The following BBS7 variants were observed in gnomAD, a reference collection of about 807,000 sequenced individuals.
BBS7 encodes the protein BBSome complex member BBS7.
A neutral mutation model predicts 90.3 loss-of-function variants in BBS7; 50 were observed. That is an observed-to-expected ratio of 0.55 (90% CI 0.44 to 0.70). BBS7 has a LOEUF of 0.70. BBS7 is among the 30% of genes least tolerant of loss of function. The probability of loss-of-function intolerance (pLI) is 0.00; values close to 1 mark genes in which losing one functional copy is unlikely to be tolerated. For missense variants in BBS7, 729 were observed against 838.9 expected, an observed-to-expected ratio of 0.87 and a Z score of 1.62; for synonymous variants, 235 against 287.4, an observed-to-expected ratio of 0.82 and a Z score of 1.85.
At chr4:121,837,851 T>A (rs1051526828) in intron 13 of BBS7, among the ~76,000 whole-genome samples, 1 of 152,120 alleles carries the variant, frequency 6.6e-6, no homozygotes, top group Non-Finnish European at 1.5e-5. Context: ...ACACCTATAA[T>A]CCCAGCACTT....
intron 13 of BBS7, 97 bp downstream of exon 13, chr4:121,839,534 A>G: frequency 9.5e-7 from 1 of 1,047,558 alleles, no homozygotes; most frequent in Non-Finnish European, 1.5e-6. Flanking sequence ...TCAGGGAGAA[A>G]TTAAATGCAA....
chr4:121,856,878 T>C (rs954937471), intron 5 of BBS7, among the ~76,000 whole-genome samples: 6 of 151,722 alleles, frequency 4.0e-5, no homozygotes, highest in African/African-American at 1.5e-4. Flanking sequence ...TAAGTGATTC[T>C]CCTGTCTCAG....
intron 2 of BBS7, among the ~76,000 whole-genome samples, chr4:121,865,940 T>C (rs1438865746): frequency 6.6e-6 from 1 of 152,230 alleles, no homozygotes; most frequent in African/African-American, 2.4e-5. Flanking sequence ...TGATACTTCA[T>C]TGTGGTTTGA....
chr4:121,856,043 T>C (rs1260602351), intron 5 of BBS7, among the ~76,000 whole-genome samples: 1 of 152,182 alleles, frequency 6.6e-6, no homozygotes, highest in African/African-American at 2.4e-5. Context: ...TTAAATACAT[T>C]GTTTGCCTGA....
At chr4:121,833,154 C>A in intron 15 of BBS7, 77 bp downstream of exon 15, 1 of 1,397,784 alleles carries the variant, frequency 7.2e-7, no homozygotes, top group East Asian at 2.3e-5. Context: ...TCACAAATAA[C>A]TCCTAACTTA....
chr4:121,826,262 ACTG>A (rs1212819508), intron 18 of BBS7, among the ~76,000 whole-genome samples: 1 of 152,222 alleles, frequency 6.6e-6, no homozygotes, highest in African/African-American at 2.4e-5. Flanking sequence ...CCATTTTTGA[ACTG>A]CTATCAGTAT....
rs766450289 is a variant in BBS7 at position 121,868,007 on chromosome 4, C to T, written c.76G>A (p.Ala26Thr). ...TTTTGTGTAGCTCTGTGTCTTGAGG[C>T]AGGAATTAGCTTCATAGTCTTCTGA... ...TSQKTMKLIP[A>T]SRHRATQKVV... Residue 26 changes from alanine (A) to threonine (T), a missense_variant, in exon 2 of 19, where the codon GCC (alanine) becomes ACC (threonine). Transcript: ENST00000264499. The T allele has an allele frequency of 5.6e-6, 9 of 1,613,534 alleles. No individual in the cohort carries two copies. Among genetic ancestry groups the T allele is most frequent in the Admixed American group, 3.3e-5 (2 of 60,004 alleles).
chr4:121,843,327 C>T (rs567576089), intron 12 of BBS7, among the ~76,000 whole-genome samples: 3 of 152,032 alleles, frequency 2.0e-5, no homozygotes, highest in Non-Finnish European at 2.9e-5. Flanking sequence ...ACAGCATATC[C>T]TAGAAGTCAG....
rs367765050 is a variant in BBS7, at chr4:121,861,647, A to C, written c.198T>G (p.Ile66Met). 1.2e-5 allele frequency: 19 copies of C among 1,613,732 alleles called. No individual in the cohort carries two copies. Among genetic ancestry groups the C allele is most frequent in the Non-Finnish European group, 5.9e-6 (7 of 1,179,840 alleles). ...TAACCCCTCCCAGTTCCAGCCTTGC[A>C]ATCTTCGGCCCGGGTAAAGTCTTGA... is the stretch of plus-strand genomic sequence containing the variant. The part of the protein sequence containing the change: ...AVFKTLPGPK[I>M]ARLELGGVIN... Residue 66 changes from isoleucine to methionine, a missense_variant, in exon 4 of 19, where the codon ATT becomes ATG. Coordinates refer to ENST00000264499, the MANE Select transcript of BBS7 (RefSeq NM_176824.3).
chr4:121,835,778 A>C (rs1022847233), intron 13 of BBS7, among the ~76,000 whole-genome samples: 1 of 152,180 alleles, frequency 6.6e-6, no homozygotes, highest in African/African-American at 2.4e-5. Flanking sequence ...AAAAGCTTTA[A>C]TATAGGACAT....
chr4:121,848,884 T>A lies in BBS7; in HGVS notation c.894A>T (p.Gly298=), dbSNP rs190245992. The A allele has an allele frequency of 1.2e-6, 2 of 1,613,998 alleles. No homozygotes were observed. Among genetic ancestry groups the A allele is most frequent in the Non-Finnish European group, 1.7e-6 (2 of 1,179,992 alleles). Residue 298 remains glycine (G), a synonymous_variant, in exon 9 of 19, where the codon GGA becomes GGT. Transcript: ENST00000264499. ...SVTSIQGGCV[G]KDSYDEIVVS... ...CCACGATTTCATCATAGCTGTCTTT[T>A]CCTACACAACCACCCTGGATAGATG...
intron 7 of BBS7, 60 bp downstream of exon 7, chr4:121,854,644 T>C (rs1369659248): frequency 2.7e-6 from 4 of 1,494,280 alleles, no homozygotes; most frequent in Non-Finnish European, 3.6e-6. Context: ...ATAAATTATA[T>C]AATTTAAGAT....
rs562505041 is a variant in BBS7, at chr4:121,837,941, C to T, written c.1371+1690G>A. ...CCAACATGGTGAAACCCTGTCTCTA[C>T]TAAAATACAAAAATTAGCCAGGCAT... On this transcript the variant is annotated intron_variant, in intron 13 of 18. Transcript: ENST00000264499. Among the ~76,000 whole-genome samples, 5 of 152,014 alleles carry T rather than the reference C, an allele frequency of 3.3e-5. No individual in the cohort carries two copies. In the East Asian group the frequency reaches 7.7e-4, roughly 24 times the overall value.
Position 121,843,945 on chromosome 4 carries a change from A to G in BBS7, c.1287T>C (p.Phe429=). 6.2e-7 allele frequency: 1 copy of G among 1,601,064 alleles called. No homozygotes were observed. Among genetic ancestry groups the G allele is most frequent in the East Asian group, 2.2e-5 (1 of 44,706 alleles). Residue 429 remains phenylalanine, a synonymous_variant, in exon 12 of 19, where the codon TTT becomes TTC. Coordinates refer to ENST00000264499, the MANE Select transcript of BBS7 (RefSeq NM_176824.3). ...TACTCACCTCAGAATCACAGCTGCT[A>G]AAGCTAACAACAGCAGAATTTTTAT... ...DVDKNSAVVS[F]SSCDSESNDN...
chr4:121,835,425 G>A (rs1353036519), intron 13 of BBS7, 142 bp from the exon 14 acceptor site: 5 of 948,542 alleles, frequency 5.3e-6, no homozygotes, highest in Non-Finnish European at 6.4e-6. Context: ...AAGCTGTCCA[G>A]CTTCTTTCTC....
intron 6 of BBS7, 67 bp from the exon 7 acceptor site, chr4:121,854,887 G>T: frequency 7.0e-7 from 1 of 1,420,804 alleles, no homozygotes; most frequent in Non-Finnish European, 9.8e-7. Context: ...AAATTAAAAT[G>T]TTGTTATGTA....
chr4:121,856,835 C>A (rs1726700035), intron 5 of BBS7, among the ~76,000 whole-genome samples: 1 of 150,930 alleles, frequency 6.6e-6, no homozygotes, highest in African/African-American at 2.4e-5. Context: ...AATGCTGTGA[C>A]CTCAGCTCGC....
At chr4:121,837,533 G>A (rs1468426616) in intron 13 of BBS7, among the ~76,000 whole-genome samples, 1 of 152,056 alleles carries the variant, frequency 6.6e-6, no homozygotes, top group African/African-American at 2.4e-5. Flanking sequence ...TGATTTAATA[G>A]AAGTGTTCTC....
chr4:121,870,363 A>G lies in BBS7; in HGVS notation c.-50T>C, dbSNP rs899682450. Reference sequence around the variant, plus strand: ...AGCGCCGGACAAGAACAGGAGGGACAGAGGCTTCGGGCCCGCAGGCCTCCG... The same window carrying G: ...AGCGCCGGACAAGAACAGGAGGGACGGAGGCTTCGGGCCCGCAGGCCTCCG... On this transcript the variant is annotated 5_prime_UTR_variant, in exon 1 of 19. Transcript: ENST00000264499. 2 of 1,611,492 alleles carry G rather than the reference A, an allele frequency of 1.2e-6. No individual in the cohort carries two copies. The highest frequency in any genetic ancestry group is 2.2e-5 in the East Asian group (1 of 44,868).
Sources: allele counts gnomAD v4.1 joint callset (sites outside exome capture counted in the v4.1 genomes callset), GRCh38; gene constraint gnomAD v4.1.1; transcripts MANE v1.5; gene names NCBI Gene and HGNC (gene_info 2026-07-23, HGNC 2026-07-21).